Variants in EYS observed in about 807,000 individuals in gnomAD.
EYS encodes the protein EGF-like photoreceptor maintenance factor, also known as protein eyes shut homolog.
In EYS, 250 loss-of-function variants were observed where a neutral mutation model predicts 282.1. The ratio of observed to expected loss-of-function variants is 0.89; its 90% confidence interval spans 0.80 to 0.98. The LOEUF is 0.98. Ranked by LOEUF, EYS falls within the 50% of genes least tolerant of loss-of-function variation. The pLI is 0.00. For synonymous variants in EYS, 1,355 were observed against 1,282.9 expected (o/e 1.06, Z -1.20); for missense variants, 4,016 against 3,709.0 (o/e 1.08, Z -2.15).
chr6:65,480,696 T>G (rs961190877), intron 5 of EYS, among the ~76,000 whole-genome samples: 2 of 152,166 alleles, frequency 1.3e-5, no homozygotes, highest in Non-Finnish European at 2.9e-5. Flanking sequence ...AGTCAATATA[T>G]GGAATCAACC....
chr6:65,548,082 C>T (rs1412731711), intron 2 of EYS, among the ~76,000 whole-genome samples: 3 of 152,154 alleles, frequency 2.0e-5, no homozygotes, highest in Non-Finnish European at 4.4e-5. Flanking sequence ...TTGACCCACA[C>T]TTTGGTATAT....
intron 31 of EYS, among the ~76,000 whole-genome samples, chr6:64,204,341 T>C (rs1265741402): frequency 6.6e-6 from 1 of 152,152 alleles, no homozygotes; most frequent in Non-Finnish European, 1.5e-5. Flanking sequence ...AAACCTACCC[T>C]ATGCAATTTC....
At chr6:65,672,962 G>T (rs575474957) in intron 1 of EYS, among the ~76,000 whole-genome samples, 10 of 152,124 alleles carry the variant, frequency 6.6e-5, no homozygotes, top group Middle Eastern at 3.4e-3. Context: ...GCAGGGGCAG[G>T]GGTCACAAGG....
chr6:65,523,574 T>A (rs1160495302), intron 2 of EYS, among the ~76,000 whole-genome samples: 2 of 152,202 alleles, frequency 1.3e-5, no homozygotes, highest in African/African-American at 4.8e-5. Context: ...GTTGCAGCTA[T>A]GTAGGATGAA....
At position 64,822,649 on chromosome 6, in the gene EYS, A is replaced by G. The variant is rs1764934229; in HGVS notation, c.3164+2T>C. On this transcript the variant is annotated splice_donor_variant, in intron 20 of 42. Coordinates refer to ENST00000503581, the MANE Select transcript of EYS (RefSeq NM_001142800.2). LOFTEE classifies it high-confidence loss of function. Reference sequence around the variant, plus strand: ...AAAGCTAATAATAAAAAAAATAGCTACCTTCCATGTAGACAAGGATTTGAA... The same window carrying G: ...AAAGCTAATAATAAAAAAAATAGCTGCCTTCCATGTAGACAAGGATTTGAA... 7 of 1,521,490 alleles carry G rather than the reference A, an allele frequency of 4.6e-6. No homozygotes were observed. Among genetic ancestry groups the G allele is most frequent in the Non-Finnish European group, 6.2e-6 (7 of 1,138,000 alleles). The allele number at this position is 1,521,490 out of a possible 1,614,324, so 94.2% of individuals were successfully genotyped here.
At chr6:64,724,943 GA>G (rs1374717123) in intron 22 of EYS, among the ~76,000 whole-genome samples, 1 of 151,772 alleles carries the variant, frequency 6.6e-6, no homozygotes, top group Admixed American at 6.6e-5. Flanking sequence ...CAAATAAGCT[GA>G]CTAAGAATTT....
chr6:64,768,246 T>C (rs1773414571), intron 22 of EYS, among the ~76,000 whole-genome samples: 1 of 152,182 alleles, frequency 6.6e-6, no homozygotes, highest in African/African-American at 2.4e-5. Context: ...ATTAAGATTC[T>C]GCAAAGTATT....
At chr6:65,398,997 G>A (rs1342062773) in intron 7 of EYS, among the ~76,000 whole-genome samples, 1 of 152,022 alleles carries the variant, frequency 6.6e-6, no homozygotes, top group Non-Finnish European at 1.5e-5. Flanking sequence ...ACTATTCTTA[G>A]AAATATATTC....
At chr6:65,514,153 A>G (rs4389747) in intron 2 of EYS, among the ~76,000 whole-genome samples, 43,469 of 151,524 alleles carry the variant, frequency 0.29, 6,917 homozygotes, top group African/African-American at 0.43. Context: ...AATAACAGAC[A>G]AACAGAGCCA....
chr6:63,756,713 C>T (rs936756688), intron 41 of EYS, among the ~76,000 whole-genome samples: 4 of 152,090 alleles, frequency 2.6e-5, no homozygotes, highest in African/African-American at 9.7e-5. Context: ...GGCAGAGGAA[C>T]ATAAATTGTG....
intron 14 of EYS, among the ~76,000 whole-genome samples, chr6:64,976,106 A>G (rs1201824632): frequency 6.6e-6 from 1 of 151,990 alleles, no homozygotes; most frequent in South Asian, 2.1e-4. Flanking sequence ...TGAACTAAGA[A>G]TACAATTATT....
intron 26 of EYS, among the ~76,000 whole-genome samples, chr6:64,537,052 A>T (rs6415037): frequency 0.54 from 80,503 of 149,986 alleles, 21,686 homozygotes; most frequent in South Asian, 0.65. Flanking sequence ...ACATGTGCAC[A>T]ATGTGCAGGT....
In EYS at chr6:63,870,031, A is replaced by G. The variant is rs192596658; in HGVS notation, c.7056-5673T>C. 6.9e-4 allele frequency among the ~76,000 whole-genome samples: 105 copies of G among 152,232 alleles called. 1 individual carries two copies. The highest frequency in any genetic ancestry group is 1.2e-3 in the Non-Finnish European group (83 of 68,006). On this transcript the variant is annotated intron_variant, in intron 35 of 42. Transcript: ENST00000503581. ...AATTAGCCAGTCTCCAGCCCCCTGC[A>G]TGGTAAGGGCAATCTGGGCAGGATT...
At chr6:64,828,938 G>T (rs1018609441) in intron 19 of EYS, among the ~76,000 whole-genome samples, 1 of 152,112 alleles carries the variant, frequency 6.6e-6, no homozygotes, top group South Asian at 2.1e-4. Context: ...GCCTTATTAA[G>T]AGGTTACCCA....
chr6:64,231,866 G>T (rs539244276), intron 30 of EYS, among the ~76,000 whole-genome samples: 16 of 152,070 alleles, frequency 1.1e-4, no homozygotes, highest in South Asian at 4.2e-4. Flanking sequence ...ATAATAATGA[G>T]ATAATTATCT....
chr6:64,447,587 T>A (rs1775156353), intron 26 of EYS, among the ~76,000 whole-genome samples: 1 of 152,162 alleles, frequency 6.6e-6, no homozygotes, highest in African/African-American at 2.4e-5. Context: ...AGTCACTAAT[T>A]TATATAAAGC....
At chr6:64,579,943 T>C (rs1818823910) in intron 26 of EYS, among the ~76,000 whole-genome samples, 1 of 152,134 alleles carries the variant, frequency 6.6e-6, no homozygotes, top group South Asian at 2.1e-4. Context: ...TTAGCCATCA[T>C]TAAGTTGATA....
At chr6:64,965,950 G>A (rs1370257801) in intron 14 of EYS, among the ~76,000 whole-genome samples, 1 of 56,148 alleles carries the variant, frequency 1.8e-5, no homozygotes, top group Non-Finnish European at 3.9e-5. Flanking sequence ...GCTGAAAATT[G>A]TGAGTGTGTG....
At chr6:64,933,097 C>A (rs1768781621) in intron 15 of EYS, among the ~76,000 whole-genome samples, 2 of 151,620 alleles carry the variant, frequency 1.3e-5, no homozygotes, top group Admixed American at 1.3e-4. Flanking sequence ...ATTTACTTGA[C>A]AAATATATTA....
Sources: gnomAD v4.1 joint callset for allele counts (sites outside exome capture counted in the v4.1 genomes callset) on GRCh38, gnomAD v4.1.1 for gene constraint, MANE v1.5 for transcripts, NCBI Gene and HGNC (gene_info 2026-07-23, HGNC 2026-07-21) for gene names.